The following ATP2B2 variants were observed in gnomAD, a reference collection of about 807,000 sequenced individuals.
The protein encoded by ATP2B2 is plasma membrane calcium-transporting ATPase 2.
A neutral mutation model predicts 120.0 loss-of-function variants in ATP2B2; 15 were observed. The observed-to-expected ratio is 0.12, with a 90% CI of 0.08 to 0.19. The LOEUF is 0.19. Ranked by LOEUF, ATP2B2 falls within the 10% of genes least tolerant of loss-of-function variation. The pLI, the probability that ATP2B2 is intolerant of heterozygous loss-of-function variation, is 1.00. For synonymous variants in ATP2B2, 694 were observed against 700.3 expected (o/e 0.99, Z 0.14); for missense variants, 1,045 against 1,719.8 (o/e 0.61, Z 6.94).
At chr3:10,683,781 T>C (rs1409276775) in intron 1 of ATP2B2, among the ~76,000 whole-genome samples, 1 of 116,038 alleles carries the variant, frequency 8.6e-6, no homozygotes, top group Non-Finnish European at 1.8e-5. Context: ...TATATATATA[T>C]ATATATATAT....
intron 1 of ATP2B2, among the ~76,000 whole-genome samples, chr3:10,664,223 C>A (rs1304848861): frequency 6.6e-6 from 1 of 152,070 alleles, no homozygotes. Context: ...GCAGCTGTCA[C>A]CCCCGCAGCA....
At chr3:10,452,783 T>C (rs1032112446) in intron 1 of ATP2B2, among the ~76,000 whole-genome samples, 2 of 152,048 alleles carry the variant, frequency 1.3e-5, no homozygotes, top group African/African-American at 4.8e-5. Context: ...GGGAAAAGAA[T>C]TGAGATGAGG....
At chr3:10,448,436 C>T (rs759735249) in intron 2 of ATP2B2, among the ~76,000 whole-genome samples, 1 of 152,170 alleles carries the variant, frequency 6.6e-6, no homozygotes, top group Non-Finnish European at 1.5e-5. Context: ...GCTTCCTTTC[C>T]ATGGTGAGCT....
In ATP2B2 at chr3:10,342,088, T is replaced by C. The variant is rs1369314147; in HGVS notation, c.2917+664A>G. 6.6e-6 allele frequency among the ~76,000 whole-genome samples: 1 copy of C among 152,136 alleles called. No homozygotes were observed. The highest frequency in any genetic ancestry group is 2.4e-5 in the African/African-American group (1 of 41,436). On this transcript the variant is annotated intron_variant, in intron 19 of 22. Coordinates refer to ENST00000360273, the MANE Select transcript of ATP2B2 (RefSeq NM_001001331.4). This position sits in a 1 kb window ranked among gnomAD's most constrained non-coding sequence, Gnocchi z 4.4. Reference sequence around the variant, plus strand: ...TCTGTGACCTGGGGATAGGCTTTGTTGGGATTGCCTCCGAAGCATCTGTGG... The same window carrying C: ...TCTGTGACCTGGGGATAGGCTTTGTCGGGATTGCCTCCGAAGCATCTGTGG...
rs372175917 is a variant in ATP2B2, at chr3:10,402,004, T to C, written c.655+87A>G. On this transcript the variant is annotated intron_variant, in intron 4 of 22. Transcript: ENST00000360273. The surrounding 1 kb of genome is among the most constrained non-coding windows in gnomAD (Gnocchi z 4.9). The stretch of plus-strand genomic sequence containing the variant: ...GCCTTCAGGAATGCATCCCCTTCCT[T>C]GAGCCAATCTCTTTGCATCAGCCTG... The C allele has an allele frequency of 2.7e-5, 43 of 1,596,064 alleles. No homozygotes were observed. The African/African-American group carries it at 4.0e-4, about 15-fold the overall frequency.
At chr3:10,452,525 A>C (rs1465120073) in intron 1 of ATP2B2, among the ~76,000 whole-genome samples, 2 of 152,190 alleles carry the variant, frequency 1.3e-5, no homozygotes, top group Non-Finnish European at 2.9e-5. Flanking sequence ...TGTTTGGTGT[A>C]TGTTCAGGAA....
At chr3:10,336,915 C>A (rs1255356608) in intron 22 of ATP2B2, among the ~76,000 whole-genome samples, 1 of 152,226 alleles carries the variant, frequency 6.6e-6, no homozygotes. Flanking sequence ...TCTGGAGACC[C>A]CTGCGTGGCT....
chr3:10,456,359 G>A (rs919745744), intron 1 of ATP2B2, among the ~76,000 whole-genome samples: 6 of 152,176 alleles, frequency 3.9e-5, no homozygotes, highest in Non-Finnish European at 7.3e-5. Flanking sequence ...CAATGACTGA[G>A]GTGGGGCACA....
chr3:10,401,480 A>G (rs2124967450), intron 4 of ATP2B2, among the ~76,000 whole-genome samples: 1 of 152,318 alleles, frequency 6.6e-6, no homozygotes, highest in East Asian at 1.9e-4. Context: ...CAACCAAGTC[A>G]CATCGTCAAG....
At chr3:10,453,728 T>C (rs752934246) in intron 1 of ATP2B2, among the ~76,000 whole-genome samples, 9 of 152,192 alleles carry the variant, frequency 5.9e-5, no homozygotes, top group Non-Finnish European at 8.8e-5. Context: ...AAGCAAGCTA[T>C]GAGAATCGTT....
At chr3:10,503,680 G>C (rs993847291) in intron 1 of ATP2B2, among the ~76,000 whole-genome samples, 7 of 152,250 alleles carry the variant, frequency 4.6e-5, no homozygotes, top group Non-Finnish European at 1.0e-4. Flanking sequence ...ATTCACCTGT[G>C]GGCACATTCC....
At chr3:10,480,931 C>A (rs1021138959) in intron 1 of ATP2B2, among the ~76,000 whole-genome samples, 1 of 152,244 alleles carries the variant, frequency 6.6e-6, no homozygotes, top group Admixed American at 6.5e-5. Flanking sequence ...GCCAGAGGGC[C>A]CCGTCACCCC....
chr3:10,672,639 G>C (rs1236171976), intron 1 of ATP2B2, among the ~76,000 whole-genome samples: 1 of 152,240 alleles, frequency 6.6e-6, no homozygotes, highest in Admixed American at 6.5e-5. Context: ...AAGGTTTGCA[G>C]ATTACTGGCC....
rs947174726 is a variant in ATP2B2 at position 10,439,701 on chromosome 3, CAA to C, written c.199+9642_199+9643del. Among the ~76,000 whole-genome samples the C allele has an allele frequency of 3.3e-5, 5 of 151,882 alleles. No homozygotes were observed. The East Asian group carries it at 5.8e-4, about 18-fold the overall frequency. On this transcript the variant is annotated intron_variant, in intron 2 of 22. Transcript: ENST00000360273. ...TTTTTTCAACACTTTGTTAAAAAAC[CAA>C]AGTCTTCAAAGCATTTAAAAAGGAG...
chr3:10,678,075 T>A (rs1390748972), intron 1 of ATP2B2, among the ~76,000 whole-genome samples: 1 of 152,180 alleles, frequency 6.6e-6, no homozygotes, highest in Admixed American at 6.5e-5. Context: ...GTGGCTCCAA[T>A]GTCCATGCTC....
chr3:10,467,214 C>T (rs1310814305), intron 1 of ATP2B2, among the ~76,000 whole-genome samples: 2 of 152,192 alleles, frequency 1.3e-5, no homozygotes, highest in African/African-American at 4.8e-5. Context: ...GAGTAATATT[C>T]TGGCCACTGA....
At chr3:10,667,722 C>T (rs922271951) in intron 1 of ATP2B2, among the ~76,000 whole-genome samples, 1 of 152,102 alleles carries the variant, frequency 6.6e-6, no homozygotes, top group Non-Finnish European at 1.5e-5. Context: ...AGCCCAGACC[C>T]CTTCAACCCC....
At chr3:10,443,656 T>A (rs1014756283) in intron 2 of ATP2B2, among the ~76,000 whole-genome samples, 4 of 152,100 alleles carry the variant, frequency 2.6e-5, no homozygotes, top group African/African-American at 9.7e-5. Flanking sequence ...TTGACAGCAT[T>A]TGAGGTCCTG....
At chr3:10,524,083 G>A (rs2067040571) in intron 3 of ATP2B2, among the ~76,000 whole-genome samples, 1 of 152,178 alleles carries the variant, frequency 6.6e-6, no homozygotes, top group African/African-American at 2.4e-5. Flanking sequence ...GGAGGCGGAT[G>A]AGGCCACAGA....
Sources: gnomAD v4.1 joint callset for allele counts (sites outside exome capture counted in the v4.1 genomes callset) on GRCh38, gnomAD v4.1.1 for gene constraint, Gnocchi (gnomAD v3.1) non-coding constraint, MANE v1.5 for transcripts, NCBI Gene and HGNC (gene_info 2026-07-23, HGNC 2026-07-21) for gene names.